The following C1QTNF12 variants were observed in gnomAD, a reference collection of about 807,000 sequenced individuals.
C1QTNF12 encodes the protein C1q and TNF related 12, also known as adipolin.
In C1QTNF12, 39 loss-of-function variants were observed where a neutral mutation model predicts 34.3. The observed-to-expected ratio is 1.14, with a 90% CI of 0.88 to 1.49. The LOEUF (loss-of-function observed/expected upper bound fraction) is 1.49. Among genes scored for constraint, C1QTNF12 ranks in the 40% most tolerant of loss-of-function variants. The pLI, the probability that C1QTNF12 is intolerant of heterozygous loss-of-function variation, is 0.00. For synonymous variants in C1QTNF12, 220 were observed against 196.9 expected, an observed-to-expected ratio of 1.12 and a Z score of -0.98; for missense variants, 497 against 424.7, an observed-to-expected ratio of 1.17 and a Z score of -1.50.
Position 1,243,477 on chromosome 1 carries a change from C to T in C1QTNF12, c.607G>A (p.Gly203Ser), listed in dbSNP as rs762640012. 22 of 1,559,856 alleles carry T rather than the reference C, an allele frequency of 1.4e-5. No individual in the cohort carries two copies. Among genetic ancestry groups the T allele is most frequent in the Admixed American group, 5.7e-5 (3 of 52,864 alleles). ...ASGRFTAPVS[G>S]IFQFSASLHV... is the part of the protein sequence containing the mutation. Reference sequence around the variant, plus strand: ...AGACTGGCAGAGAACTGGAAGATGCCGGACACGGGGGCCGTGAACCGACCC... The same window carrying T: ...AGACTGGCAGAGAACTGGAAGATGCTGGACACGGGGGCCGTGAACCGACCC... Residue 203 changes from glycine to serine, a missense_variant, in exon 5 of 8, where the codon GGC becomes AGC. Transcript: ENST00000330388.
Position 1,243,571 on chromosome 1 carries a change from G to A in C1QTNF12, c.532-19C>T, listed in dbSNP as rs1310837683. On this transcript the variant is annotated intron_variant, in intron 4 of 7. Transcript: ENST00000330388. ...CAGCAGGCTGTGAGGGGCAGTGGGTGAGCGGCCAGCGCAGGGCCTGGCCCC... is the reference window on the plus strand; with the variant it reads ...CAGCAGGCTGTGAGGGGCAGTGGGTAAGCGGCCAGCGCAGGGCCTGGCCCC... 2.6e-6 allele frequency: 4 copies of A among 1,541,942 alleles called. No individual in the cohort carries two copies. Among genetic ancestry groups the A allele is most frequent in the Non-Finnish European group, 3.5e-6 (4 of 1,140,076 alleles).
upstream of C1QTNF12, chr1:1,246,863 C>A (rs990192461): frequency 3.3e-5 from 12 of 360,942 alleles, no homozygotes; most frequent in Admixed American, 1.0e-4. The surrounding 1 kb of genome is among the most constrained non-coding windows in gnomAD (Gnocchi z 4.5). Flanking sequence ...GCGCTCAGGT[C>A]CCCCCGGGGT....
chr1:1,246,523 C>T lies in C1QTNF12; in HGVS notation c.168G>A (p.Glu56=). ...ASASSREGLP[E]APKPSQASGP... ...CGTCCCGGCCGCGTACCTTGGGGGC[C>T]TCGGGCAGCCCCTCGCGGGAGGACG... Residue 56 remains glutamate, a synonymous_variant, in exon 1 of 8, where the codon GAG becomes GAA. Coordinates refer to ENST00000330388, the MANE Select transcript of C1QTNF12 (RefSeq NM_001014980.3). This position sits in a 1 kb window ranked among gnomAD's most constrained non-coding sequence, Gnocchi z 4.5. 1 of 1,233,516 alleles carries T rather than the reference C, an allele frequency of 8.1e-7. No individual in the cohort carries two copies. The highest frequency in any genetic ancestry group is 1.0e-6 in the Non-Finnish European group (1 of 988,530). 76.4% of individuals were successfully genotyped at this position (1,233,516 alleles called of 1,614,324 possible).
chr1:1,243,186 G>A, intron 5 of C1QTNF12, 34 bp from the exon 6 acceptor site: 1 of 1,168,268 alleles, frequency 8.6e-7, no homozygotes, highest in Non-Finnish European at 1.2e-6. Context: ...GTGGTGCATG[G>A]GGGGCGGGGT....
At chr1:1,242,754 G>A in intron 7 of C1QTNF12, 81 bp downstream of exon 7, 2 of 1,570,904 alleles carry the variant, frequency 1.3e-6, no homozygotes, top group Non-Finnish European at 1.7e-6. Context: ...CCAGAGGTCT[G>A]CGCCCTGAGT....
At position 1,242,476 on chromosome 1, in the gene C1QTNF12, G is replaced by A. The variant is rs1029262538; in HGVS notation, c.*72C>T. On this transcript the variant is annotated 3_prime_UTR_variant, in exon 8 of 8. Transcript: ENST00000330388. ...GGGAGGGTGGAGGGCTCTTTATTGTGGTGACCACGGGCATCAGTAGGAGGG... is the reference window on the plus strand; with the variant it reads ...GGGAGGGTGGAGGGCTCTTTATTGTAGTGACCACGGGCATCAGTAGGAGGG... 5 of 1,172,746 alleles carry A rather than the reference G, an allele frequency of 4.3e-6. No homozygotes were observed. The highest frequency in any genetic ancestry group is 2.9e-5 in the South Asian group (2 of 68,954). 72.6% of individuals were successfully genotyped at this position (1,172,746 alleles called of 1,614,324 possible). A position where few individuals can be genotyped will look rare whatever the true frequency, so the allele number is the denominator to read the frequency against.
chr1:1,246,627 C>T lies in C1QTNF12; in HGVS notation c.64G>A (p.Gly22Ser). ...TGTGCCTCCCGCCGGGCCCCGACGC[C>T]CCCGAGGAGCACGAGCTGCGGCCCG... ...LLGPQLVLLG[G>S]VGARREAQRT... Residue 22 changes from glycine (G) to serine (S), a missense_variant, in exon 1 of 8, where the codon GGC becomes AGC. By Grantham distance (56) the Gly-to-Ser change is moderately conservative. Coordinates refer to ENST00000330388, the MANE Select transcript of C1QTNF12 (RefSeq NM_001014980.3). The surrounding 1 kb of genome is among the most constrained non-coding windows in gnomAD (Gnocchi z 4.5). 1 of 1,240,528 alleles carries T rather than the reference C, an allele frequency of 8.1e-7. No individual in the cohort carries two copies. Among genetic ancestry groups the T allele is most frequent in the Non-Finnish European group, 1.0e-6 (1 of 992,524 alleles). 76.8% of individuals were successfully genotyped at this position (1,240,528 alleles called of 1,614,324 possible).
At position 1,244,051 on chromosome 1, in the gene C1QTNF12, G is replaced by GC; in HGVS notation, c.433dup (p.Ala145GlyfsTer73). 6.3e-7 allele frequency: 1 copy of GC among 1,597,418 alleles called. No individual in the cohort carries two copies. The highest frequency in any genetic ancestry group is 1.1e-5 in the South Asian group (1 of 89,250). ...GGCCTCGCCCACCAGCCGCAGGCCC[G>GC]CCCCCTGGGGCAGCAGCGGGTCCAG... On this transcript the variant is annotated frameshift_variant, in exon 4 of 8. Coordinates refer to ENST00000330388, the MANE Select transcript of C1QTNF12 (RefSeq NM_001014980.3). LOFTEE classifies it high-confidence loss of function.
Position 1,244,255 on chromosome 1 carries a change from TG to T in C1QTNF12, c.314del (p.Pro105GlnfsTer8). On this transcript the variant is annotated frameshift_variant, in exon 3 of 8. Coordinates refer to ENST00000330388, the MANE Select transcript of C1QTNF12 (RefSeq NM_001014980.3). LOFTEE classifies it high-confidence loss of function. ...CGGTCACTTCTGCACCTGGAGGTCC[TG>T]GGGGACCGAAGAGATCCCGCTGGGG... is the stretch of plus-strand genomic sequence containing the variant. ...DKKPRDLFGP[P>X]GPPGAEVTAE... The T allele has an allele frequency of 1.9e-6, 3 of 1,595,928 alleles. No homozygotes were observed. Among genetic ancestry groups the T allele is most frequent in the South Asian group, 1.1e-5 (1 of 89,326 alleles).
rs774910034 is a variant in C1QTNF12 at position 1,242,828 on chromosome 1, G to A, written c.810+7C>T. 3 of 1,612,012 alleles carry A rather than the reference G, an allele frequency of 1.9e-6. No individual in the cohort carries two copies. In the African/African-American group the frequency reaches 4.0e-5, roughly 22 times the overall value. ...AGCCCTCCCGCTCACACCCGGCCCG[G>A]ACTCACCTGCAGCTGCAGCAGCCCC... On this transcript the variant is annotated splice_region_variant and intron_variant, in intron 7 of 7. Transcript: ENST00000330388.
At position 1,246,715 on chromosome 1, in the gene C1QTNF12, G is replaced by A; in HGVS notation, c.-25C>T. The A allele has an allele frequency of 2.5e-6, 3 of 1,217,190 alleles. No homozygotes were observed. The highest frequency in any genetic ancestry group is 3.1e-6 in the Non-Finnish European group (3 of 978,490). 75.4% of individuals were successfully genotyped at this position (1,217,190 alleles called of 1,614,324 possible). A position where few individuals can be genotyped will look rare whatever the true frequency, so the allele number is the denominator to read the frequency against. On this transcript the variant is annotated 5_prime_UTR_variant, in exon 1 of 8. Coordinates refer to ENST00000330388, the MANE Select transcript of C1QTNF12 (RefSeq NM_001014980.3). The surrounding 1 kb of genome is among the most constrained non-coding windows in gnomAD (Gnocchi z 4.5). ...TGGCTCCGTCCCGAGGCGGCTCAGC[G>A]CGGCGAGTCTCGGCGCCAGGGCGCA... is the stretch of plus-strand genomic sequence containing the variant.
At position 1,246,389 on chromosome 1, in the gene C1QTNF12, C is replaced by G. The variant is rs999308167; in HGVS notation, c.177+125G>C. The G allele has an allele frequency of 8.9e-6, 7 of 790,672 alleles. No individual in the cohort carries two copies. The highest frequency in any genetic ancestry group is 4.2e-4 in the Middle Eastern group (1 of 2,366). The allele number at this position is 790,672 out of a possible 1,614,324, so 49.0% of individuals were successfully genotyped here. On this transcript the variant is annotated intron_variant, in intron 1 of 7. Transcript: ENST00000330388. This position sits in a 1 kb window ranked among gnomAD's most constrained non-coding sequence, Gnocchi z 4.5. ...CAGATTCTCAAGGCGGGACCGTGGC[C>G]GAGGCCTCGAAAAGGGCGACCCGGA...
At chr1:1,243,834 A>C in intron 4 of C1QTNF12, 120 bp downstream of exon 4, 45 of 1,120,756 alleles carry the variant, frequency 4.0e-5, no homozygotes, top group Middle Eastern at 3.0e-4. Flanking sequence ...TCGCCCTCCG[A>C]GCCCCGCCCC....
chr1:1,243,544 G>T lies in C1QTNF12; in HGVS notation c.540C>A (p.Ala180=). 6.4e-7 allele frequency: 1 copy of T among 1,551,450 alleles called. No individual in the cohort carries two copies. The highest frequency in any genetic ancestry group is 8.7e-7 in the Non-Finnish European group (1 of 1,147,434). ...VELHGFQAPA[A]QGAFLRGSGL... ...CGGAGCCTCGCAGGAAGGCACCTTG[G>T]GCAGCAGGCTGTGAGGGGCAGTGGG... The change falls in exon 5 of 8, where the codon GCC becomes GCA. Residue 180 remains alanine, a synonymous_variant. Transcript: ENST00000330388.
chr1:1,244,478 G>A lies in C1QTNF12; in HGVS notation c.197C>T (p.Pro66Leu). 1 of 1,611,678 alleles carries A rather than the reference G, an allele frequency of 6.2e-7. No homozygotes were observed. The highest frequency in any genetic ancestry group is 8.5e-7 in the Non-Finnish European group (1 of 1,179,330). The change falls in exon 2 of 8, where the codon CCT becomes CTT. Residue 66 changes from proline to leucine, a missense_variant. Coordinates refer to ENST00000330388, the MANE Select transcript of C1QTNF12 (RefSeq NM_001014980.3). ...EAPKPSQASG[P>L]EFSDAHMTWL... ...TGTCATGTGGGCGTCGGAGAACTCA[G>A]GTCCTGAGGCCTGGGATGGCTGAAG... is the stretch of plus-strand genomic sequence containing the variant.
At chr1:1,243,854 A>AAC in intron 4 of C1QTNF12, 100 bp downstream of exon 4, 1 of 1,429,840 alleles carries the variant, frequency 7.0e-7, no homozygotes, top group Non-Finnish European at 9.4e-7. Flanking sequence ...CCAGCCCCCA[A>AAC]CCCACATGCT....
chr1:1,243,504 A>G lies in C1QTNF12; in HGVS notation c.580T>C (p.Ser194Pro). The change falls in exon 5 of 8, where the codon TCG becomes CCG. Residue 194 changes from serine (S) to proline (P), a missense_variant. By Grantham distance (74) the Ser-to-Pro change is moderately conservative (BLOSUM62 -1). Coordinates refer to ENST00000330388, the MANE Select transcript of C1QTNF12 (RefSeq NM_001014980.3). ...GACACGGGGGCCGTGAACCGACCCG[A>G]GGCCAGGCTCAGACCGGAGCCTCGC... is the stretch of plus-strand genomic sequence containing the variant. The part of the protein sequence containing the change: ...FLRGSGLSLA[S>P]GRFTAPVSGI... The G allele has an allele frequency of 6.4e-7, 1 of 1,559,796 alleles. No homozygotes were observed. The highest frequency in any genetic ancestry group is 1.2e-5 in the South Asian group (1 of 85,020).
Position 1,246,255 on chromosome 1 carries a change from C to T in C1QTNF12, c.177+259G>A, listed in dbSNP as rs1039629937. Among the ~76,000 whole-genome samples the T allele has an allele frequency of 3.9e-5, 6 of 152,054 alleles. No homozygotes were observed. In the South Asian group the frequency reaches 1.2e-3, roughly 32 times the overall value. On this transcript the variant is annotated intron_variant, in intron 1 of 7. Coordinates refer to ENST00000330388, the MANE Select transcript of C1QTNF12 (RefSeq NM_001014980.3). This position sits in a 1 kb window ranked among gnomAD's most constrained non-coding sequence, Gnocchi z 4.5. ...CGCTTCAAAGGGTTAACTGCGGCCCCCAACCGCGGGAAGCCCCCTTCACCC... is the reference window on the plus strand; with the variant it reads ...CGCTTCAAAGGGTTAACTGCGGCCCTCAACCGCGGGAAGCCCCCTTCACCC...
Position 1,243,529 on chromosome 1 carries a change from C to G in C1QTNF12, c.555G>C (p.Leu185=). The change falls in exon 5 of 8, where the codon CTG becomes CTC. Residue 185 remains leucine, a synonymous_variant. Transcript: ENST00000330388. ...AGGCCAGGCTCAGACCGGAGCCTCG[C>G]AGGAAGGCACCTTGGGCAGCAGGCT... is the stretch of plus-strand genomic sequence containing the variant. ...FQAPAAQGAF[L]RGSGLSLASG... is the part of the protein sequence containing the mutation. 1 of 1,553,442 alleles carries G rather than the reference C, an allele frequency of 6.4e-7. No homozygotes were observed. Among genetic ancestry groups the G allele is most frequent in the Non-Finnish European group, 8.7e-7 (1 of 1,148,460 alleles).
Sources: allele counts gnomAD v4.1 joint callset (sites outside exome capture counted in the v4.1 genomes callset), GRCh38; gene constraint gnomAD v4.1.1; non-coding constraint Gnocchi (gnomAD v3.1); transcripts MANE v1.5; gene names NCBI Gene and HGNC (gene_info 2026-07-23, HGNC 2026-07-21).